The following WWC1 variants were observed in gnomAD, a reference collection of about 807,000 sequenced individuals.
WWC1 encodes the protein WW and C2 domain containing 1.
A neutral mutation model predicts 138.4 loss-of-function variants in WWC1; 55 were observed. The observed-to-expected ratio is 0.40, with a 90% CI of 0.32 to 0.50. The LOEUF is 0.50. Ranked by LOEUF, WWC1 falls within the 20% of genes least tolerant of loss-of-function variation. The probability of loss-of-function intolerance (pLI) is 0.72; values close to 1 mark genes in which losing one functional copy is unlikely to be tolerated. For missense variants in WWC1, 1,226 were observed against 1,420.4 expected (o/e 0.86, Z 2.20); for synonymous variants, 524 against 564.9 (o/e 0.93, Z 1.03).
Position 168,372,022 on chromosome 5 carries a change from C to CGAGAGAGAGA in WWC1, c.229+500_229+509dup, listed in dbSNP as rs10602598. Reference sequence around the variant, plus strand: ...TGCATATATGTCCATAGTGAATTGGCGAGAGAGAGAGAGAGAGAGAAAGAG... The same window carrying CGAGAGAGAGA: ...TGCATATATGTCCATAGTGAATTGGCGAGAGAGAGAGAGAGAGAGAGAGAGAGAGAAAGAG... On this transcript the variant is annotated intron_variant, in intron 2 of 22. Coordinates refer to ENST00000265293, the MANE Select transcript of WWC1 (RefSeq NM_015238.3). Among the ~76,000 whole-genome samples the CGAGAGAGAGA allele has an allele frequency of 3.0e-3, 433 of 145,792 alleles. 6 individuals carry two copies. Among genetic ancestry groups the CGAGAGAGAGA allele is most frequent in the African/African-American group, 0.01 (406 of 39,212 alleles).
chr5:168,376,406 A>G (rs1366177868), intron 2 of WWC1, among the ~76,000 whole-genome samples: 2 of 152,208 alleles, frequency 1.3e-5, no homozygotes, highest in African/African-American at 2.4e-5. Context: ...ATTTTAACAC[A>G]TAATGGAGGA....
intron 20 of WWC1, among the ~76,000 whole-genome samples, chr5:168,461,614 A>G (rs575143437): frequency 8.5e-4 from 129 of 152,328 alleles, no homozygotes; most frequent in African/African-American, 2.2e-3. Context: ...GGGTGGGGGT[A>G]GGCAAAGGAG....
At position 168,412,094 on chromosome 5, in the gene WWC1, A is replaced by T. The variant is rs191828932; in HGVS notation, c.941+2099A>T. Reference sequence around the variant, plus strand: ...TGAAGAGGACCACTCTGAACCTTGGATCTGTTCCATCCTGCAGGAATGCCT... The same window carrying T: ...TGAAGAGGACCACTCTGAACCTTGGTTCTGTTCCATCCTGCAGGAATGCCT... On this transcript the variant is annotated intron_variant, in intron 8 of 22. Transcript: ENST00000265293. 1,315 of 985,396 alleles carry T rather than the reference A, an allele frequency of 1.3e-3. 3 individuals are homozygous for T. The highest frequency in any genetic ancestry group is 1.5e-3 in the Admixed American group (24 of 16,280). The allele number at this position is 985,396 out of a possible 1,614,324, so 61.0% of individuals were successfully genotyped here.
At chr5:168,406,861 G>A (rs1779836430) in intron 6 of WWC1, among the ~76,000 whole-genome samples, 1 of 152,148 alleles carries the variant, frequency 6.6e-6, no homozygotes, top group Non-Finnish European at 1.5e-5. Flanking sequence ...AGAATGGCGT[G>A]AACCCAGGAG....
chr5:168,463,313 C>T (rs527754808), intron 20 of WWC1, among the ~76,000 whole-genome samples: 5 of 152,334 alleles, frequency 3.3e-5, no homozygotes, highest in Admixed American at 1.3e-4. Context: ...CAGGCACTGC[C>T]TCCAGATGTT....
rs1779012328 is a variant in WWC1 at position 168,397,816 on chromosome 5, C to T, written c.510+16C>T. 2 of 1,613,736 alleles carry T rather than the reference C, an allele frequency of 1.2e-6. No homozygotes were observed. Among genetic ancestry groups the T allele is most frequent in the African/African-American group, 2.7e-5 (2 of 74,916 alleles). ...AAAATCCCGGGTAGGACCTCTTCAC[C>T]TATGCTATGTGCTAGTGATTGGGGC... On this transcript the variant is annotated intron_variant, in intron 4 of 22. Coordinates refer to ENST00000265293, the MANE Select transcript of WWC1 (RefSeq NM_015238.3).
intron 15 of WWC1, among the ~76,000 whole-genome samples, chr5:168,436,647 A>G (rs187618636): frequency 6.6e-6 from 1 of 152,140 alleles, no homozygotes; most frequent in Non-Finnish European, 1.5e-5. Flanking sequence ...GTCTCAGCCG[A>G]TGGCAATCTC....
chr5:168,423,473 G>T, intron 10 of WWC1, 60 bp from the exon 11 acceptor site: 1 of 1,538,274 alleles, frequency 6.5e-7, no homozygotes, highest in East Asian at 2.2e-5. Context: ...TCAGCAGAAG[G>T]TCTCAGGGGG....
intron 1 of WWC1, among the ~76,000 whole-genome samples, chr5:168,333,170 G>A (rs886887393): frequency 6.6e-6 from 1 of 152,198 alleles, no homozygotes; most frequent in Admixed American, 6.5e-5. Context: ...ATCTGTAGGG[G>A]ACCAAGGACT....
At position 168,406,301 on chromosome 5, in the gene WWC1, GA is replaced by G; in HGVS notation, c.698del (p.Lys233ArgfsTer13). Reference sequence around the variant, plus strand: ...CATCAAAAAGGCTATTACCTGTGGGGAAAAGGAAAAGCAAGATCTCATTAAG... The same window carrying G: ...CATCAAAAAGGCTATTACCTGTGGGGAAAGGAAAAGCAAGATCTCATTAAG... Reference protein sequence around the residue: ...KAIKKAITCGEKEKQDLIKSL... With the variant: ...KAIKKAITCGXKEKQDLIKSL... On this transcript the variant is annotated frameshift_variant, in exon 6 of 23. Transcript: ENST00000265293. LOFTEE classifies it high-confidence loss of function. 6.2e-7 allele frequency: 1 copy of G among 1,614,006 alleles called. No individual in the cohort carries two copies. The highest frequency in any genetic ancestry group is 8.5e-7 in the Non-Finnish European group (1 of 1,179,912).
At position 168,399,567 on chromosome 5, in the gene WWC1, A is replaced by G. The variant is rs769032644; in HGVS notation, c.590A>G (p.Lys197Arg). 1.9e-5 allele frequency: 31 copies of G among 1,614,072 alleles called. No homozygotes were observed. The Middle Eastern group carries it at 1.8e-3, about 94-fold the overall frequency. The change falls in exon 5 of 23, where the codon AAA becomes AGA. Residue 197 changes from lysine (K) to arginine (R), a missense_variant and splice_region_variant. Lys to Arg is a conservative substitution (Grantham distance 26). Around this residue, in one of 3 missense-constraint regions of WWC1, gnomAD observed 1,016 missense variants for 1,153.9 expected, o/e 0.88. Coordinates refer to ENST00000265293, the MANE Select transcript of WWC1 (RefSeq NM_015238.3). ...GAGCGTGGCTTTCAGACCCTGAAGA[A>G]GTAAGTACACCCTGCATCCCAGAGC... ...FKERGFQTLK[K>R]IDKKMSDAQG...
chr5:168,439,821 G>A (rs926735671), intron 15 of WWC1, among the ~76,000 whole-genome samples: 3 of 152,090 alleles, frequency 2.0e-5, no homozygotes, highest in Non-Finnish European at 2.9e-5. Flanking sequence ...TCCTTCCGTC[G>A]GGTTTCTGCC....
rs2152830015 is a variant in WWC1, at chr5:168,397,797, C to T, written c.507C>T (p.Ser169=). ...AAGCTGAAATTGCCACTGCAAAATCCCGGGTAGGACCTCTTCACCTATGCT... is the reference window on the plus strand; with the variant it reads ...AAGCTGAAATTGCCACTGCAAAATCTCGGGTAGGACCTCTTCACCTATGCT... ...ILKAEIATAK[S]RVNKLKREMV... Residue 169 remains serine (S), a synonymous_variant, in exon 4 of 23, where the codon TCC becomes TCT. Coordinates refer to ENST00000265293, the MANE Select transcript of WWC1 (RefSeq NM_015238.3). 1 of 1,614,032 alleles carries T rather than the reference C, an allele frequency of 6.2e-7. No individual in the cohort carries two copies. The highest frequency in any genetic ancestry group is 8.5e-7 in the Non-Finnish European group (1 of 1,179,950).
chr5:168,330,468 A>T (rs1772934639), intron 1 of WWC1, among the ~76,000 whole-genome samples: 1 of 152,200 alleles, frequency 6.6e-6, no homozygotes, highest in Non-Finnish European at 1.5e-5. Flanking sequence ...CTTCAGAATT[A>T]TGATGATTAA....
Position 168,292,137 on chromosome 5 carries a change from G to A in WWC1, c.-16G>A, listed in dbSNP as rs1444607345. 2 of 1,531,686 alleles carry A rather than the reference G, an allele frequency of 1.3e-6. No homozygotes were observed. Among genetic ancestry groups the A allele is most frequent in the Admixed American group, 4.1e-5 (2 of 49,260 alleles). 94.9% of individuals were successfully genotyped at this position (1,531,686 alleles called of 1,614,324 possible). ...GCCGGGAGCTGCATGGGGGAGCGCC[G>A]GCAGCGCTTGGGAAGATGCCCCGGC... On this transcript the variant is annotated 5_prime_UTR_variant, in exon 1 of 23. Coordinates refer to ENST00000265293, the MANE Select transcript of WWC1 (RefSeq NM_015238.3). This position sits in a 1 kb window ranked among gnomAD's most constrained non-coding sequence, Gnocchi z 4.4.
intron 19 of WWC1, among the ~76,000 whole-genome samples, chr5:168,458,014 C>G (rs1756483848): frequency 6.6e-6 from 1 of 152,216 alleles, no homozygotes; most frequent in Non-Finnish European, 1.5e-5. Context: ...GTGCCTGCCT[C>G]TAGCTGCAAG....
chr5:168,292,350 C>T lies in WWC1; in HGVS notation c.119+79C>T. On this transcript the variant is annotated intron_variant, in intron 1 of 22. Transcript: ENST00000265293. The surrounding 1 kb of genome is among the most constrained non-coding windows in gnomAD (Gnocchi z 4.4). Reference sequence around the variant, plus strand: ...CTGCCCCTGGAGCCGCCGGCCGGGACTGGGAGGGGGCAGGGGAGCTCTGCG... The same window carrying T: ...CTGCCCCTGGAGCCGCCGGCCGGGATTGGGAGGGGGCAGGGGAGCTCTGCG... The T allele has an allele frequency of 2.7e-6, 4 of 1,503,602 alleles. No individual in the cohort carries two copies. Among genetic ancestry groups the T allele is most frequent in the Non-Finnish European group, 3.6e-6 (4 of 1,115,422 alleles). The allele number at this position is 1,503,602 out of a possible 1,614,324, so 93.1% of individuals were successfully genotyped here.
chr5:168,309,110 G>C (rs1435575874), intron 1 of WWC1, among the ~76,000 whole-genome samples: 1 of 152,074 alleles, frequency 6.6e-6, no homozygotes, highest in Non-Finnish European at 1.5e-5. Context: ...ACCTCCTGTA[G>C]CACCTAGCAG....
At position 168,425,335 on chromosome 5, in the gene WWC1, C is replaced by T. The variant is rs192747445; in HGVS notation, c.1810+1267C>T. Among the ~76,000 whole-genome samples, 175 of 152,274 alleles carry T rather than the reference C, an allele frequency of 1.1e-3. 1 individual carries two copies. The highest frequency in any genetic ancestry group is 4.0e-3 in the African/African-American group (167 of 41,560). On this transcript the variant is annotated intron_variant, in intron 11 of 22. Transcript: ENST00000265293. Reference sequence around the variant, plus strand: ...TGAGTAGGATGCTCAGTAAACTCACCTGGGCCTTCTTGGCTTTCCTGGCCA... The same window carrying T: ...TGAGTAGGATGCTCAGTAAACTCACTTGGGCCTTCTTGGCTTTCCTGGCCA...
Sources: allele counts gnomAD v4.1 joint callset (sites outside exome capture counted in the v4.1 genomes callset), GRCh38; gene constraint gnomAD v4.1.1; regional missense constraint gnomAD v4.1.1; non-coding constraint Gnocchi (gnomAD v3.1); transcripts MANE v1.5; gene names NCBI Gene and HGNC (gene_info 2026-07-23, HGNC 2026-07-21).